The following KCNIP4 variants were observed in gnomAD, a reference collection of about 807,000 sequenced individuals.
KCNIP4 encodes potassium voltage-gated channel interacting protein 4.
Under a neutral mutation model 34.0 loss-of-function variants are expected in KCNIP4, and 12 were observed. The ratio of observed to expected loss-of-function variants is 0.35; its 90% CI spans 0.23 to 0.57. KCNIP4 has a LOEUF of 0.57. Ranked by LOEUF, KCNIP4 falls within the 20% of genes least tolerant of loss-of-function variation. The pLI, the probability that KCNIP4 is intolerant of heterozygous loss-of-function variation, is 0.83. For missense variants in KCNIP4, 238 were observed against 311.7 expected (o/e 0.76, Z 1.78); for synonymous variants, 124 against 102.2 (o/e 1.21, Z -1.29).
chr4:21,246,506 T>C (rs1225367850), intron 1 of KCNIP4, among the ~76,000 whole-genome samples: 1 of 152,200 alleles, frequency 6.6e-6, no homozygotes, highest in Non-Finnish European at 1.5e-5. Flanking sequence ...GATGCCTAAA[T>C]CACTGAAGAA....
intron 1 of KCNIP4, among the ~76,000 whole-genome samples, chr4:21,897,885 T>C (rs1234585269): frequency 2.6e-5 from 4 of 152,168 alleles, no homozygotes; most frequent in African/African-American, 9.7e-5. Context: ...CGGTTTTGTA[T>C]GGCCTACACC....
chr4:20,924,800 C>A (rs1729736222), intron 1 of KCNIP4, among the ~76,000 whole-genome samples: 1 of 152,160 alleles, frequency 6.6e-6, no homozygotes, highest in South Asian at 2.1e-4. Context: ...CCATCGACTG[C>A]TCTAAACACT....
chr4:20,758,982 A>T, intron 3 of KCNIP4, 92 bp from the exon 4 acceptor site: 1 of 871,396 alleles, frequency 1.1e-6, no homozygotes, highest in Non-Finnish European at 1.9e-6. Flanking sequence ...CTACCATGCA[A>T]AGCTGCACCA....
chr4:21,263,955 C>A (rs1257725694), intron 1 of KCNIP4, among the ~76,000 whole-genome samples: 1 of 151,452 alleles, frequency 6.6e-6, no homozygotes, highest in East Asian at 2.0e-4. Flanking sequence ...ATGCCCAGCC[C>A]AATATATATA....
intron 1 of KCNIP4, among the ~76,000 whole-genome samples, chr4:21,543,347 T>C (rs1258848525): frequency 6.6e-6 from 1 of 152,142 alleles, no homozygotes; most frequent in African/African-American, 2.4e-5. Context: ...TTCTAAAAAC[T>C]GTAATTTCAA....
At chr4:21,002,741 G>C (rs936124288) in intron 1 of KCNIP4, among the ~76,000 whole-genome samples, 1 of 152,090 alleles carries the variant, frequency 6.6e-6, no homozygotes, top group South Asian at 2.1e-4. Flanking sequence ...CTCAAGTTTG[G>C]GAAGTATAAA....
intron 1 of KCNIP4, among the ~76,000 whole-genome samples, chr4:21,835,893 T>TA (rs1034465332): frequency 6.6e-6 from 1 of 151,952 alleles, no homozygotes; most frequent in Non-Finnish European, 1.5e-5. Context: ...AGGACTGACC[T>TA]AAAAAAAATA....
Position 20,732,026 on chromosome 4 carries a change from A to G in KCNIP4, c.685T>C (p.Phe229Leu), listed in dbSNP as rs1355898256. The G allele has an allele frequency of 6.2e-7, 1 of 1,613,366 alleles. No homozygotes were observed. The highest frequency in any genetic ancestry group is 8.5e-7 in the Non-Finnish European group (1 of 1,179,700). The stretch of plus-strand genomic sequence containing the variant: ...CTTACTTTTTGGCAGCTTTCAATGA[A>G]CTCATCTATGGTAACAACCCCATCT... ...NKDGVVTIDE[F>L]IESCQKDENI... The change falls in exon 8 of 9, where the codon TTC (phenylalanine) becomes CTC (leucine). Residue 229 changes from phenylalanine (F) to leucine (L), a missense_variant. Physicochemically the swap from Phe to Leu is conservative, Grantham distance 22 (BLOSUM62 0). Coordinates refer to ENST00000382152, the MANE Select transcript of KCNIP4 (RefSeq NM_025221.6).
chr4:21,834,216 A>G (rs1723176336), intron 1 of KCNIP4, among the ~76,000 whole-genome samples: 1 of 152,162 alleles, frequency 6.6e-6, no homozygotes, highest in East Asian at 1.9e-4. Flanking sequence ...GATTCTTCCC[A>G]CCCATGAGCA....
chr4:21,213,746 C>T (rs1292702913), intron 1 of KCNIP4, among the ~76,000 whole-genome samples: 1 of 152,192 alleles, frequency 6.6e-6, no homozygotes, highest in African/African-American at 2.4e-5. Context: ...AATGGTTTGG[C>T]CCATGTATGG....
chr4:21,499,523 A>G (rs1163286328), intron 1 of KCNIP4, among the ~76,000 whole-genome samples: 1 of 152,042 alleles, frequency 6.6e-6, no homozygotes, highest in African/African-American at 2.4e-5. Context: ...TTTAAGTATA[A>G]AACAAATCAC....
chr4:21,459,181 T>G (rs1360545063), intron 1 of KCNIP4, among the ~76,000 whole-genome samples: 3 of 152,180 alleles, frequency 2.0e-5, no homozygotes, highest in Middle Eastern at 3.4e-3. Flanking sequence ...AAATTACTTT[T>G]GAACATGATT....
chr4:21,078,422 C>T (rs376395839), intron 1 of KCNIP4, among the ~76,000 whole-genome samples: 87 of 152,108 alleles, frequency 5.7e-4, no homozygotes, highest in Middle Eastern at 3.4e-3. Context: ...TGAGGGCCCT[C>T]TTCTTGGGTT....
chr4:21,864,378 T>C (rs1214849397), intron 1 of KCNIP4, among the ~76,000 whole-genome samples: 3 of 152,372 alleles, frequency 2.0e-5, no homozygotes, highest in Middle Eastern at 3.4e-3. Flanking sequence ...GATACAAACA[T>C]GCTTCTCCAT....
intron 1 of KCNIP4, among the ~76,000 whole-genome samples, chr4:21,448,792 G>C (rs1051423566): frequency 6.6e-6 from 1 of 152,148 alleles, no homozygotes; most frequent in Non-Finnish European, 1.5e-5. Flanking sequence ...GTCAGACATA[G>C]AGAGGCAGTT....
At chr4:21,043,320 T>A (rs1171616097) in intron 1 of KCNIP4, among the ~76,000 whole-genome samples, 1 of 152,146 alleles carries the variant, frequency 6.6e-6, no homozygotes, top group African/African-American at 2.4e-5. Context: ...TTTATTTGTA[T>A]TTGTTTTTTC....
At chr4:20,943,200 T>G (rs1352684625) in intron 1 of KCNIP4, among the ~76,000 whole-genome samples, 1 of 152,182 alleles carries the variant, frequency 6.6e-6, no homozygotes, top group Non-Finnish European at 1.5e-5. Context: ...CAACTGAATT[T>G]GGTGAGGAAT....
At chr4:20,732,888 T>G (rs1254370099) in intron 6 of KCNIP4, 103 bp from the exon 7 acceptor site, 1 of 694,398 alleles carries the variant, frequency 1.4e-6, no homozygotes, top group East Asian at 2.8e-5. Flanking sequence ...ATTTTTGACT[T>G]TTTGTTTGTT....
chr4:21,369,700 A>G (rs556055780), intron 1 of KCNIP4, among the ~76,000 whole-genome samples: 4 of 147,608 alleles, frequency 2.7e-5, no homozygotes, highest in East Asian at 2.0e-4. Context: ...TTTAATTCCA[A>G]TGAGAACTAT....
Sources: gnomAD v4.1 joint callset for allele counts (sites outside exome capture counted in the v4.1 genomes callset) on GRCh38, gnomAD v4.1.1 for gene constraint, MANE v1.5 for transcripts, NCBI Gene and HGNC (gene_info 2026-07-23, HGNC 2026-07-21) for gene names.